INPP5A: variants seen among roughly 807,000 people sequenced by gnomAD.
INPP5A encodes the protein inositol polyphosphate-5-phosphatase A, also known as 43 kDa inositol polyphosphate 5-phophatase.
In INPP5A, 14 loss-of-function variants were observed where a neutral mutation model predicts 65.2. The observed-to-expected ratio is 0.21, with a 90% CI of 0.14 to 0.34. The LOEUF is 0.34. Among genes scored for constraint, INPP5A ranks in the 10% least tolerant of loss-of-function variants. INPP5A has a pLI of 1.00. For synonymous variants in INPP5A, 207 were observed against 208.3 expected (o/e 0.99, Z 0.05); for missense variants, 431 against 545.6 (o/e 0.79, Z 2.09).
chr10:132,646,096 G>A (rs968087596), intron 3 of INPP5A, 128 bp downstream of exon 3: 2 of 659,660 alleles, frequency 3.0e-6, no homozygotes, highest in African/African-American at 3.6e-5. Context: ...CATCTTGGCT[G>A]AGTCTCAGTT....
chr10:132,583,794 A>G (rs530929237), intron 1 of INPP5A, among the ~76,000 whole-genome samples: 4 of 152,116 alleles, frequency 2.6e-5, no homozygotes, highest in Admixed American at 6.5e-5. Flanking sequence ...TAAAAAATCT[A>G]TTTTGGGCCA....
chr10:132,731,206 C>T (rs926874104), intron 9 of INPP5A, among the ~76,000 whole-genome samples: 11 of 152,210 alleles, frequency 7.2e-5, no homozygotes, highest in Admixed American at 2.6e-4. Context: ...GGTCAGAGAA[C>T]AGAGAAGGCG....
intron 1 of INPP5A, among the ~76,000 whole-genome samples, chr10:132,553,805 C>T (rs2071087465): frequency 7.4e-6 from 1 of 134,858 alleles, no homozygotes; most frequent in Non-Finnish European, 1.6e-5. Context: ...CTTCTCAGAG[C>T]CTTGGTGGAA....
At chr10:132,557,940 C>T (rs754331557) in intron 1 of INPP5A, among the ~76,000 whole-genome samples, 28 of 152,210 alleles carry the variant, frequency 1.8e-4, no homozygotes, top group Non-Finnish European at 2.9e-4. Context: ...CCCGCGTGCC[C>T]GCCTCCTGCT....
At chr10:132,718,182 G>A (rs542284429) in intron 8 of INPP5A, among the ~76,000 whole-genome samples, 3 of 146,434 alleles carry the variant, frequency 2.0e-5, no homozygotes, top group Non-Finnish European at 3.0e-5. Context: ...GGTTCTGTCT[G>A]GGCGCCTTAG....
rs1006505611 is a variant in INPP5A, at chr10:132,663,796, G to C, written c.306+13291G>C. ...TCGCCCCTAGGGGTGAAGTCATCTC[G>C]CTCCTCTTCTGAGCCGTGAGCTGGG... On this transcript the variant is annotated intron_variant, in intron 4 of 15. Coordinates refer to ENST00000368594, the MANE Select transcript of INPP5A (RefSeq NM_005539.5). This position sits in a 1 kb window ranked among gnomAD's most constrained non-coding sequence, Gnocchi z 4.5. Among the ~76,000 whole-genome samples the C allele has an allele frequency of 1.3e-5, 2 of 152,094 alleles. No homozygotes were observed. Among genetic ancestry groups the C allele is most frequent in the Non-Finnish European group, 2.9e-5 (2 of 68,026 alleles).
At chr10:132,746,930 C>T (rs1246583511) in intron 9 of INPP5A, among the ~76,000 whole-genome samples, 1 of 152,252 alleles carries the variant, frequency 6.6e-6, no homozygotes, top group Non-Finnish European at 1.5e-5. Flanking sequence ...CACTCCTTTA[C>T]AGCCTGTGAA....
intron 11 of INPP5A, among the ~76,000 whole-genome samples, chr10:132,756,113 G>A (rs1190754046): frequency 2.6e-5 from 4 of 152,226 alleles, no homozygotes; most frequent in Non-Finnish European, 4.4e-5. Flanking sequence ...CTCAGAATCC[G>A]CCTGGCCTGG....
intron 9 of INPP5A, among the ~76,000 whole-genome samples, chr10:132,735,885 G>T (rs1334583873): frequency 6.6e-6 from 1 of 152,242 alleles, no homozygotes; most frequent in African/African-American, 2.4e-5. Context: ...ACCTGCTTGT[G>T]ATTTTTGGTG....
Position 132,538,904 on chromosome 10 carries a change from A to AC in INPP5A, c.75+734dup, listed in dbSNP as rs1251580221. Among the ~76,000 whole-genome samples the AC allele has an allele frequency of 4.0e-5, 6 of 151,696 alleles. No individual in the cohort carries two copies. Among genetic ancestry groups the AC allele is most frequent in the Non-Finnish European group, 8.8e-5 (6 of 67,940 alleles). ...TTGCCTCTAAAGCCAATCTAGCCTG[A>AC]CTCTGAACCCTGAATTTCAACCTCA... On this transcript the variant is annotated intron_variant, in intron 1 of 15. Coordinates refer to ENST00000368594, the MANE Select transcript of INPP5A (RefSeq NM_005539.5). The surrounding 1 kb of genome is among the most constrained non-coding windows in gnomAD (Gnocchi z 4.1).
chr10:132,648,598 C>A (rs1307325435), intron 3 of INPP5A, among the ~76,000 whole-genome samples: 3 of 152,196 alleles, frequency 2.0e-5, no homozygotes, highest in Non-Finnish European at 4.4e-5. Flanking sequence ...TTTTGTTTAT[C>A]TGAAAAAGGT....
intron 1 of INPP5A, among the ~76,000 whole-genome samples, chr10:132,606,704 C>T (rs997386283): frequency 6.6e-6 from 1 of 152,176 alleles, no homozygotes; most frequent in Non-Finnish European, 1.5e-5. Context: ...TGCGTGGGCG[C>T]GGAGTCTGGG....
At chr10:132,618,172 T>C (rs1371775685) in intron 2 of INPP5A, among the ~76,000 whole-genome samples, 1 of 152,228 alleles carries the variant, frequency 6.6e-6, no homozygotes, top group Non-Finnish European at 1.5e-5. Context: ...GAGTTTTAAA[T>C]TGAGATAATA....
chr10:132,742,108 G>A (rs1846283540), intron 9 of INPP5A, among the ~76,000 whole-genome samples: 1 of 152,202 alleles, frequency 6.6e-6, no homozygotes, highest in South Asian at 2.1e-4. Flanking sequence ...CTACCAGATA[G>A]AGCTCATGCG....
At chr10:132,635,293 C>A (rs1304211009) in intron 2 of INPP5A, among the ~76,000 whole-genome samples, 1 of 151,248 alleles carries the variant, frequency 6.6e-6, no homozygotes, top group Admixed American at 6.6e-5. Context: ...GGTTTTTGTA[C>A]CCTTTTCCCC....
intron 5 of INPP5A, among the ~76,000 whole-genome samples, chr10:132,694,077 C>T (rs566529160): frequency 1.3e-5 from 2 of 152,280 alleles, no homozygotes; most frequent in South Asian, 2.1e-4. Context: ...GCAGAATCTA[C>T]GTTTTTGTCA....
At chr10:132,583,119 G>A (rs546865200) in intron 1 of INPP5A, among the ~76,000 whole-genome samples, 4 of 152,316 alleles carry the variant, frequency 2.6e-5, no homozygotes, top group African/African-American at 9.6e-5. Context: ...AGCATTTTGT[G>A]ATTTTCAGTG....
rs374170095 is a variant in INPP5A, at chr10:132,706,532, C to G, written c.475-1781C>G. 2.6e-5 allele frequency among the ~76,000 whole-genome samples: 4 copies of G among 152,236 alleles called. No homozygotes were observed. Among genetic ancestry groups the G allele is most frequent in the African/African-American group, 9.6e-5 (4 of 41,460 alleles). The stretch of plus-strand genomic sequence containing the variant: ...AGTTCGTGTGCCGGGGTGCTTCTTA[C>G]AGCAGTGGTGGATCCAGAGTGCAGG... On this transcript the variant is annotated intron_variant, in intron 6 of 15. Coordinates refer to ENST00000368594, the MANE Select transcript of INPP5A (RefSeq NM_005539.5). The surrounding 1 kb of genome is among the most constrained non-coding windows in gnomAD (Gnocchi z 4.7).
chr10:132,653,809 G>T (rs543490286), intron 4 of INPP5A, among the ~76,000 whole-genome samples: 1 of 152,214 alleles, frequency 6.6e-6, no homozygotes, highest in Non-Finnish European at 1.5e-5. Context: ...CAGATCGTAC[G>T]GCAGCCTTCA....
Sources: gnomAD v4.1 joint callset for allele counts (sites outside exome capture counted in the v4.1 genomes callset) on GRCh38, gnomAD v4.1.1 for gene constraint, Gnocchi (gnomAD v3.1) non-coding constraint, MANE v1.5 for transcripts, NCBI Gene and HGNC (gene_info 2026-07-23, HGNC 2026-07-21) for gene names.